Variants in DPP10 observed in about 807,000 individuals in gnomAD.
DPP10 encodes the protein dipeptidyl peptidase like 10, also known as inactive dipeptidyl peptidase 10.
Under a neutral mutation model 120.9 loss-of-function variants are expected in DPP10, and 33 were observed. That is an observed-to-expected ratio of 0.27 (90% CI 0.21 to 0.37). The LOEUF is 0.37. DPP10 is among the 10% of genes least tolerant of loss of function. The pLI, the probability that DPP10 is intolerant of heterozygous loss-of-function variation, is 1.00. For synonymous variants in DPP10, 337 were observed against 326.1 expected, an observed-to-expected ratio of 1.03 and a Z score of -0.36; for missense variants, 816 against 942.8, an observed-to-expected ratio of 0.87 and a Z score of 1.76.
intron 5 of DPP10, among the ~76,000 whole-genome samples, chr2:115,561,334 G>A (rs901599954): frequency 2.1e-5 from 3 of 143,042 alleles, no homozygotes; most frequent in African/African-American, 5.4e-5. Context: ...ACTCCAGCCT[G>A]GGTGGCAGAG....
At chr2:115,801,269 T>G (rs1265301402) in intron 19 of DPP10, among the ~76,000 whole-genome samples, 1 of 152,174 alleles carries the variant, frequency 6.6e-6, no homozygotes, top group Admixed American at 6.5e-5. Flanking sequence ...GGCTTGTGAT[T>G]TTTGTACATT....
chr2:115,234,726 T>C (rs1188624597), intron 1 of DPP10: 1 of 152,220 alleles, frequency 6.6e-6, no homozygotes, highest in Non-Finnish European at 1.5e-5. Flanking sequence ...AAAAAAACTG[T>C]TCTGAAATAT....
intron 1 of DPP10, among the ~76,000 whole-genome samples, chr2:115,266,130 A>G (rs1463908830): frequency 4.6e-5 from 7 of 152,164 alleles, no homozygotes; most frequent in Non-Finnish European, 8.8e-5. Flanking sequence ...CATATTTTAG[A>G]AGCTCTGTAA....
intron 3 of DPP10, among the ~76,000 whole-genome samples, chr2:115,344,944 A>C (rs2063636237): frequency 6.6e-6 from 1 of 152,182 alleles, no homozygotes; most frequent in South Asian, 2.1e-4. Flanking sequence ...TACTCTACTT[A>C]AGTGTATTTA....
intron 1 of DPP10, among the ~76,000 whole-genome samples, chr2:115,062,373 GT>G (rs1706486849): frequency 6.6e-6 from 1 of 152,064 alleles, no homozygotes. Flanking sequence ...CTCAAGTTTT[GT>G]TTTTTATTGT....
intron 5 of DPP10, among the ~76,000 whole-genome samples, chr2:115,611,927 GAAAC>G (rs2084132036): frequency 6.6e-6 from 1 of 152,042 alleles, no homozygotes. Context: ...GAGAAGGTGA[GAAAC>G]AAATCTAGAA....
In DPP10 at chr2:115,505,338, A is replaced by G. The variant is rs1417936771; in HGVS notation, c.366+5734A>G. On this transcript the variant is annotated intron_variant, in intron 4 of 25. Coordinates refer to ENST00000410059, the MANE Select transcript of DPP10 (RefSeq NM_020868.6). ...AAAATTAATTAGATGACACTTGTTT[A>G]ATTATATGAACTAGAGCTTGGTTCA... is the stretch of plus-strand genomic sequence containing the variant. Among the ~76,000 whole-genome samples the G allele has an allele frequency of 2.0e-5, 3 of 152,152 alleles. No individual in the cohort carries two copies. In the East Asian group the frequency reaches 5.8e-4, roughly 29 times the overall value.
At chr2:115,607,897 T>A (rs959981956) in intron 5 of DPP10, among the ~76,000 whole-genome samples, 2 of 152,132 alleles carry the variant, frequency 1.3e-5, no homozygotes, top group African/African-American at 4.8e-5. Flanking sequence ...TAACTTAAAG[T>A]CTTAAAGATT....
At chr2:114,816,414 G>A (rs963755678) in intron 1 of DPP10, among the ~76,000 whole-genome samples, 2 of 152,136 alleles carry the variant, frequency 1.3e-5, no homozygotes, top group Non-Finnish European at 2.9e-5. Context: ...AATAGGTGAT[G>A]GGCTAGACTT....
At chr2:115,225,616 A>G (rs1021519917) in intron 1 of DPP10, among the ~76,000 whole-genome samples, 1 of 151,962 alleles carries the variant, frequency 6.6e-6, no homozygotes, top group Non-Finnish European at 1.5e-5. Flanking sequence ...AATTAGAACT[A>G]TGGGTATCAA....
chr2:115,076,108 G>A (rs1707766783), intron 1 of DPP10, among the ~76,000 whole-genome samples: 2 of 152,094 alleles, frequency 1.3e-5, no homozygotes, highest in Admixed American at 1.3e-4. Flanking sequence ...AGATTTGGTA[G>A]GTTTTGTTGT....
At chr2:115,491,549 AGAG>A (rs1389434134) in intron 3 of DPP10, among the ~76,000 whole-genome samples, 2 of 151,776 alleles carry the variant, frequency 1.3e-5, no homozygotes, top group Admixed American at 1.3e-4. Context: ...CTCTGGGAGG[AGAG>A]GAGATTATCT....
intron 5 of DPP10, among the ~76,000 whole-genome samples, chr2:115,557,472 G>A (rs2080289161): frequency 6.6e-6 from 1 of 152,126 alleles, no homozygotes; most frequent in Admixed American, 6.5e-5. Flanking sequence ...CCCTCCATCT[G>A]TATAGAGCTT....
chr2:114,447,759 A>G (rs557365577), intron 1 of DPP10, among the ~76,000 whole-genome samples: 2 of 152,350 alleles, frequency 1.3e-5, no homozygotes, highest in South Asian at 4.1e-4. Flanking sequence ...TTAGCAAGGT[A>G]CAGATTTTTC....
chr2:115,129,610 TG>T (rs2050239985), intron 1 of DPP10, among the ~76,000 whole-genome samples: 1 of 152,160 alleles, frequency 6.6e-6, no homozygotes. Context: ...TTGATATTCT[TG>T]CCATGCCAAA....
chr2:115,072,869 A>G (rs1053184124), intron 1 of DPP10, among the ~76,000 whole-genome samples: 1 of 152,088 alleles, frequency 6.6e-6, no homozygotes, highest in Non-Finnish European at 1.5e-5. Flanking sequence ...TGCATCCTCC[A>G]TCTCCTGGGT....
At chr2:115,373,985 A>C (rs1574602450) in intron 3 of DPP10, among the ~76,000 whole-genome samples, 1 of 151,994 alleles carries the variant, frequency 6.6e-6, no homozygotes, top group South Asian at 2.1e-4. Flanking sequence ...AACAAGGCGG[A>C]TATCTGCCCC....
In DPP10 at chr2:114,890,628, G is replaced by T. The variant is rs938221798; in HGVS notation, c.61-418611G>T. On this transcript the variant is annotated intron_variant, in intron 1 of 25. Coordinates refer to ENST00000410059, the MANE Select transcript of DPP10 (RefSeq NM_020868.6). ...TATTTGTTGTTGCAGCCAACATTTG[G>T]ATAGTTATTAGCATCATTCATTCCT... is the stretch of plus-strand genomic sequence containing the variant. 4.6e-5 allele frequency among the ~76,000 whole-genome samples: 7 copies of T among 152,148 alleles called. No homozygotes were observed. The South Asian group carries it at 1.2e-3, about 27-fold the overall frequency.
intron 21 of DPP10, among the ~76,000 whole-genome samples, chr2:115,835,691 C>A (rs1689411140): frequency 6.6e-6 from 1 of 152,090 alleles, no homozygotes; most frequent in African/African-American, 2.4e-5. Flanking sequence ...TTAAAACAAT[C>A]TAAATTTTTG....
Sources: gnomAD v4.1 joint callset for allele counts (sites outside exome capture counted in the v4.1 genomes callset) on GRCh38, gnomAD v4.1.1 for gene constraint, MANE v1.5 for transcripts, NCBI Gene and HGNC (gene_info 2026-07-23, HGNC 2026-07-21) for gene names.